Variants in FTO observed in about 807,000 individuals in gnomAD.
FTO encodes alpha-ketoglutarate-dependent dioxygenase FTO.
A neutral mutation model predicts 63.9 loss-of-function variants in FTO; 47 were observed. The ratio of observed to expected loss-of-function variants is 0.74; its 90% CI spans 0.58 to 0.94. FTO has a LOEUF of 0.94. Among genes scored for constraint, FTO ranks in the 40% least tolerant of loss-of-function variants. The pLI is 0.00. For synonymous variants in FTO, 207 were observed against 224.4 expected (o/e 0.92, Z 0.69); for missense variants, 562 against 618.1 (o/e 0.91, Z 0.96).
chr16:54,006,293 A>T (rs1226530682), intron 8 of FTO, among the ~76,000 whole-genome samples: 1 of 152,236 alleles, frequency 6.6e-6, no homozygotes, highest in Non-Finnish European at 1.5e-5. Flanking sequence ...TGAAGCCTTC[A>T]TCAGGCTTTT....
chr16:53,789,767 T>TATAC (rs144269494), intron 1 of FTO, among the ~76,000 whole-genome samples: 6,019 of 147,702 alleles, frequency 0.041, 341 homozygotes, highest in African/African-American at 0.13. Context: ...TATATATATA[T>TATAC]ACACACACAC....
rs1321358968 is a variant in FTO at position 54,121,147 on chromosome 16, G to A, written c.*9232G>A. 1.3e-5 allele frequency: 2 copies of A among 152,142 alleles called. No individual in the cohort carries two copies. The highest frequency in any genetic ancestry group is 6.6e-5 in the Admixed American group (1 of 15,264). 9.4% of individuals were successfully genotyped at this position (152,142 alleles called of 1,614,324 possible). ...GTGGCAGAGCTGAATAGTTGCAAAG[G>A]ACCATAGGGCTATCAAAGCCCCAAA... On this transcript the variant is annotated 3_prime_UTR_variant, in exon 9 of 9. Coordinates refer to ENST00000471389, the MANE Select transcript of FTO (RefSeq NM_001080432.3).
chr16:53,729,896 A>T (rs539718638), intron 1 of FTO, among the ~76,000 whole-genome samples: 1 of 152,094 alleles, frequency 6.6e-6, no homozygotes, highest in East Asian at 1.9e-4. Context: ...CCCTCACTAT[A>T]GCTGTTTGTC....
In FTO at chr16:53,810,222, G is replaced by A. The variant is rs201041270; in HGVS notation, c.123+5G>A. 360 of 1,583,046 alleles carry A rather than the reference G, an allele frequency of 2.3e-4. No individual in the cohort carries two copies. In the African/African-American group the frequency reaches 4.2e-3, roughly 19 times the overall value. On this transcript the variant is annotated splice_donor_5th_base_variant and intron_variant, in intron 2 of 8. Transcript: ENST00000471389. ...GATGATGAATTCTATCAGCAGGTAA[G>A]GTATTTTAATATTTTTATCAGTTTC...
At chr16:54,022,297 T>A (rs1381179838) in intron 8 of FTO, among the ~76,000 whole-genome samples, 1 of 152,200 alleles carries the variant, frequency 6.6e-6, no homozygotes, top group Non-Finnish European at 1.5e-5. Flanking sequence ...GCTGCTACTG[T>A]TTCTGATTGG....
At chr16:53,858,902 G>T (rs1383983051) in intron 4 of FTO, among the ~76,000 whole-genome samples, 1 of 151,920 alleles carries the variant, frequency 6.6e-6, no homozygotes, top group Non-Finnish European at 1.5e-5. Context: ...CTCATGATCC[G>T]CCCACCTCGG....
At chr16:53,911,295 C>A in intron 7 of FTO, 1 of 685,268 alleles carries the variant, frequency 1.5e-6, no homozygotes, top group South Asian at 1.6e-5. Flanking sequence ...GTGACCTAGT[C>A]TGAAGGACAG....
chr16:53,959,684 CAG>C (rs970167122), intron 8 of FTO, among the ~76,000 whole-genome samples: 1 of 152,064 alleles, frequency 6.6e-6, no homozygotes, highest in African/African-American at 2.4e-5. Context: ...AACTGAGGCA[CAG>C]AGAGTTTACA....
chr16:53,786,553 T>A (rs1455826802), intron 1 of FTO, among the ~76,000 whole-genome samples: 1 of 152,222 alleles, frequency 6.6e-6, no homozygotes, highest in African/African-American at 2.4e-5. Flanking sequence ...AACACTAACA[T>A]CAGTTATGCA....
intron 1 of FTO, among the ~76,000 whole-genome samples, chr16:53,721,540 A>G (rs2076041381): frequency 6.6e-6 from 1 of 151,644 alleles, no homozygotes; most frequent in South Asian, 2.1e-4. Context: ...TTTATTTTTT[A>G]TTTTTAGTTT....
intron 8 of FTO, among the ~76,000 whole-genome samples, chr16:53,965,112 T>C (rs368922906): frequency 2.6e-5 from 4 of 152,258 alleles, no homozygotes; most frequent in East Asian, 3.9e-4. Context: ...CTCCCTCTGT[T>C]GCCCAGGCTG....
At chr16:53,778,634 T>A (rs1347003784) in intron 1 of FTO, among the ~76,000 whole-genome samples, 2 of 152,112 alleles carry the variant, frequency 1.3e-5, no homozygotes, top group East Asian at 3.8e-4. Flanking sequence ...GAATAATAGT[T>A]TTATTAGTTA....
intron 2 of FTO, among the ~76,000 whole-genome samples, chr16:53,818,722 T>A (rs2078768347): frequency 6.6e-6 from 1 of 152,004 alleles, no homozygotes; most frequent in Non-Finnish European, 1.5e-5. Flanking sequence ...AGATCTCTTG[T>A]CTATCTTGTT....
intron 1 of FTO, among the ~76,000 whole-genome samples, chr16:53,785,070 T>C (rs377441322): frequency 4.1e-4 from 62 of 152,340 alleles, no homozygotes; most frequent in East Asian, 3.9e-3. Flanking sequence ...TATCATTATA[T>C]ATTAATAATA....
Position 53,892,439 on chromosome 16 carries a change from A to T in FTO, c.1239+3488A>T, listed in dbSNP as rs530052602. On this transcript the variant is annotated intron_variant, in intron 7 of 8. Transcript: ENST00000471389. ...TTAACAAATTCAACAGCAATTTAAC[A>T]TAAAAAGTACAGTGTTTGGTGCACA... Among the ~76,000 whole-genome samples the T allele has an allele frequency of 3.9e-5, 6 of 152,320 alleles. 1 individual carries two copies. The South Asian group carries it at 1.0e-3, about 26-fold the overall frequency.
intron 8 of FTO, among the ~76,000 whole-genome samples, chr16:54,065,514 C>T (rs987171441): frequency 1.2e-4 from 19 of 152,210 alleles, no homozygotes; most frequent in Admixed American, 8.5e-4. Flanking sequence ...GAGTATATTC[C>T]GGCTTTGTAG....
chr16:54,033,585 A>C (rs1206086251), intron 8 of FTO, among the ~76,000 whole-genome samples: 2 of 152,144 alleles, frequency 1.3e-5, no homozygotes, highest in Non-Finnish European at 2.9e-5. Flanking sequence ...TGGGAGGCTG[A>C]CACAGGAGGA....
intron 8 of FTO, among the ~76,000 whole-genome samples, chr16:54,035,564 T>C (rs1489105023): frequency 2.0e-5 from 3 of 152,134 alleles, no homozygotes; most frequent in African/African-American, 7.2e-5. Flanking sequence ...CTCATTGACA[T>C]TGTCGGTTTT....
intron 3 of FTO, among the ~76,000 whole-genome samples, chr16:53,842,647 A>G (rs2079509350): frequency 6.6e-6 from 1 of 152,100 alleles, no homozygotes; most frequent in Non-Finnish European, 1.5e-5. Context: ...GTATCCTTCC[A>G]GAAATACTAT....
Sources: allele counts gnomAD v4.1 joint callset (sites outside exome capture counted in the v4.1 genomes callset), GRCh38; gene constraint gnomAD v4.1.1; transcripts MANE v1.5; gene names NCBI Gene and HGNC (gene_info 2026-07-23, HGNC 2026-07-21).